TNR: variants seen among roughly 807,000 people sequenced by gnomAD.
The protein encoded by TNR is tenascin R.
In TNR, 45 loss-of-function variants were observed where a neutral mutation model predicts 150.4. The observed-to-expected ratio is 0.30, with a 90% CI of 0.24 to 0.38. The LOEUF is 0.38. Ranked by LOEUF, TNR falls within the 10% of genes least tolerant of loss-of-function variation. The probability of loss-of-function intolerance (pLI) is 1.00; values close to 1 mark genes in which losing one functional copy is unlikely to be tolerated. For synonymous variants in TNR, 687 were observed against 678.4 expected, an observed-to-expected ratio of 1.01 and a Z score of -0.20; for missense variants, 1,544 against 1,759.1, an observed-to-expected ratio of 0.88 and a Z score of 2.19.
At chr1:175,453,211 T>C (rs1248447710) in intron 2 of TNR, among the ~76,000 whole-genome samples, 1 of 152,168 alleles carries the variant, frequency 6.6e-6, no homozygotes, top group East Asian at 1.9e-4. Flanking sequence ...ATGAAAACGA[T>C]ACTTACAGAA....
chr1:175,364,052 G>A (rs77838406), intron 12 of TNR, among the ~76,000 whole-genome samples: 2 of 152,196 alleles, frequency 1.3e-5, no homozygotes, highest in Non-Finnish European at 2.9e-5. Context: ...ACAACATGAA[G>A]ACAAGCTGGC....
At chr1:175,426,658 C>T (rs773670947) in intron 2 of TNR, among the ~76,000 whole-genome samples, 4 of 151,622 alleles carry the variant, frequency 2.6e-5, no homozygotes, top group Non-Finnish European at 5.9e-5. Context: ...GATGTTCAAG[C>T]ACTTTTACTC....
intron 21 of TNR, among the ~76,000 whole-genome samples, chr1:175,324,829 T>C (rs1389637190): frequency 6.6e-6 from 1 of 151,702 alleles, no homozygotes; most frequent in Admixed American, 6.6e-5. Context: ...AGCCTGTACG[T>C]GGACACAGGC....
intron 1 of TNR, among the ~76,000 whole-genome samples, chr1:175,602,656 T>C (rs1663283784): frequency 6.6e-6 from 1 of 152,222 alleles, no homozygotes; most frequent in Non-Finnish European, 1.5e-5. Context: ...TCTTGTGAAG[T>C]TGTTGAGGAT....
intron 7 of TNR, among the ~76,000 whole-genome samples, chr1:175,387,881 T>A (rs1442109336): frequency 6.6e-6 from 1 of 152,208 alleles, no homozygotes; most frequent in East Asian, 1.9e-4. Context: ...CTTAGCCTAG[T>A]CCTGTCCTCT....
chr1:175,325,275 C>G lies in TNR; in HGVS notation c.3794-756G>C, dbSNP rs368489556. Among the ~76,000 whole-genome samples the G allele has an allele frequency of 1.7e-3, 262 of 152,328 alleles. 1 individual carries two copies. Among genetic ancestry groups the G allele is most frequent in the Non-Finnish European group, 2.9e-3 (200 of 68,042 alleles). On this transcript the variant is annotated intron_variant, in intron 21 of 22. Coordinates refer to ENST00000367674, the MANE Select transcript of TNR (RefSeq NM_003285.3). The stretch of plus-strand genomic sequence containing the variant: ...CAACAGACACATAAAAAATGCTCAT[C>G]ATCACTGGCCGTCAGAGAAATGCAA...
rs140149014 is a variant in TNR at position 175,422,068 on chromosome 1, T to C, written c.-63-15291A>G. ...TTGAGGTACAGAGTGGTTAAGTGAC[T>C]TGTCTAAAAGTCACAAAGCCTTTAG... is the stretch of plus-strand genomic sequence containing the variant. On this transcript the variant is annotated intron_variant, in intron 2 of 22. Transcript: ENST00000367674. Among the ~76,000 whole-genome samples, 44 of 152,328 alleles carry C rather than the reference T, an allele frequency of 2.9e-4. 1 individual carries two copies. In the East Asian group the frequency reaches 7.9e-3, roughly 27 times the overall value.
At chr1:175,466,932 T>C (rs77868538) in intron 2 of TNR, among the ~76,000 whole-genome samples, 6,604 of 152,132 alleles carry the variant, frequency 0.043, 243 homozygotes, top group African/African-American at 0.1. Flanking sequence ...TCCCTGGCCC[T>C]TGCTCTCTGG....
chr1:175,625,308 A>C (rs2101868246), intron 1 of TNR, among the ~76,000 whole-genome samples: 1 of 152,368 alleles, frequency 6.6e-6, no homozygotes. Context: ...ACAGAATATC[A>C]TGAACGCAAA....
At chr1:175,684,294 G>T (rs1666124173) in intron 1 of TNR, among the ~76,000 whole-genome samples, 1 of 152,284 alleles carries the variant, frequency 6.6e-6, no homozygotes, top group South Asian at 2.1e-4. Context: ...TCAAGAGGGT[G>T]CACAAAATAG....
In TNR at chr1:175,685,963, C is replaced by T. The variant is rs544784017; in HGVS notation, c.-165+57263G>A. Among the ~76,000 whole-genome samples the T allele has an allele frequency of 6.6e-5, 10 of 151,946 alleles. No homozygotes were observed. The South Asian group carries it at 2.1e-3, about 32-fold the overall frequency. On this transcript the variant is annotated intron_variant, in intron 1 of 22. Transcript: ENST00000367674. ...GCCTTAAACAAATGTTACTATTCAA[C>T]AGTAGAATTATAAGCATTATGGCTC...
intron 1 of TNR, among the ~76,000 whole-genome samples, chr1:175,699,573 A>G (rs1036388026): frequency 6.6e-6 from 1 of 152,090 alleles, no homozygotes; most frequent in Non-Finnish European, 1.5e-5. Flanking sequence ...AAGGAGGGCA[A>G]GGGAAGATGG....
At chr1:175,358,121 A>C (rs2102007930) in intron 15 of TNR, among the ~76,000 whole-genome samples, 1 of 152,304 alleles carries the variant, frequency 6.6e-6, no homozygotes, top group South Asian at 2.1e-4. Flanking sequence ...GCATGGTGAT[A>C]ATTAAAAAAT....
chr1:175,672,763 G>T (rs963239507), intron 1 of TNR, among the ~76,000 whole-genome samples: 1 of 152,192 alleles, frequency 6.6e-6, no homozygotes, highest in Admixed American at 6.5e-5. Flanking sequence ...GAGGAAGCAG[G>T]TGCATCCTTC....
At chr1:175,669,349 T>G (rs924442409) in intron 1 of TNR, among the ~76,000 whole-genome samples, 1 of 152,198 alleles carries the variant, frequency 6.6e-6, no homozygotes, top group Non-Finnish European at 1.5e-5. Flanking sequence ...AATGAACAAC[T>G]GAATGAAAAC....
chr1:175,326,408 T>C (rs1649399136), intron 21 of TNR, among the ~76,000 whole-genome samples: 1 of 152,202 alleles, frequency 6.6e-6, no homozygotes, highest in African/African-American at 2.4e-5. Flanking sequence ...TCAATGCCTC[T>C]GATGCCTCCC....
chr1:175,536,980 C>T (rs1320521279), intron 1 of TNR, among the ~76,000 whole-genome samples: 1 of 152,156 alleles, frequency 6.6e-6, no homozygotes, highest in East Asian at 1.9e-4. Flanking sequence ...TGTCTCTTCC[C>T]CACTCCACCT....
chr1:175,571,829 CA>C (rs975795565), intron 1 of TNR, among the ~76,000 whole-genome samples: 41 of 152,258 alleles, frequency 2.7e-4, no homozygotes, highest in South Asian at 6.2e-4. Flanking sequence ...GGCCAAGTTC[CA>C]AAAAGAGCAT....
chr1:175,555,460 C>T (rs556179088), intron 1 of TNR, among the ~76,000 whole-genome samples: 142 of 150,368 alleles, frequency 9.4e-4, no homozygotes, highest in African/African-American at 3.2e-3. Context: ...ATGTGTGGCT[C>T]GCCCACACTG....
Sources: allele counts gnomAD v4.1 joint callset (sites outside exome capture counted in the v4.1 genomes callset), GRCh38; gene constraint gnomAD v4.1.1; transcripts MANE v1.5; gene names NCBI Gene and HGNC (gene_info 2026-07-23, HGNC 2026-07-21).